The following PCBP3 variants were observed in gnomAD, a reference collection of about 807,000 sequenced individuals.
PCBP3 encodes poly(rC)-binding protein 3.
PCBP3 carries 25 observed loss-of-function variants against 52.7 expected under a neutral mutation model. The ratio of observed to expected loss-of-function variants is 0.47; its 90% CI spans 0.35 to 0.66. PCBP3 has a LOEUF of 0.66. PCBP3 is among the 30% of genes least tolerant of loss of function. PCBP3 has a pLI of 0.01. For missense variants in PCBP3, 391 were observed against 490.3 expected (o/e 0.80, Z 1.91); for synonymous variants, 162 against 183.0 (o/e 0.89, Z 0.93).
At chr21:45,665,306 G>T (rs868009468) in intron 1 of PCBP3, among the ~76,000 whole-genome samples, 6 of 152,176 alleles carry the variant, frequency 3.9e-5, no homozygotes, top group Non-Finnish European at 7.4e-5. Context: ...TCCTTGGGGG[G>T]CTGAGGTGGG....
chr21:45,765,236 G>T (rs1047690325), intron 4 of PCBP3, among the ~76,000 whole-genome samples: 2 of 152,180 alleles, frequency 1.3e-5, no homozygotes, highest in Non-Finnish European at 2.9e-5. Context: ...CCCTCCAGGG[G>T]TGCCAGGATA....
chr21:45,934,039 C>T (rs2076613335), intron 15 of PCBP3, among the ~76,000 whole-genome samples: 1 of 152,078 alleles, frequency 6.6e-6, no homozygotes, highest in Non-Finnish European at 1.5e-5. Flanking sequence ...TTTGGGGACC[C>T]CTCTGGTCTG....
At chr21:45,700,091 T>C (rs2083022107) in intron 2 of PCBP3, among the ~76,000 whole-genome samples, 1 of 152,210 alleles carries the variant, frequency 6.6e-6, no homozygotes. Context: ...ACAGGACCCA[T>C]GCATGCCAGT....
chr21:45,916,327 G>A (rs2073407819), intron 12 of PCBP3: 1 of 152,240 alleles, frequency 6.6e-6, no homozygotes, highest in African/African-American at 2.4e-5. Flanking sequence ...AACACTTGCA[G>A]GTGGCCCTCA....
intron 2 of PCBP3, among the ~76,000 whole-genome samples, chr21:45,733,542 C>T (rs1218860328): frequency 1.3e-5 from 2 of 152,092 alleles, no homozygotes; most frequent in East Asian, 1.9e-4. Context: ...CTGCCCGCCT[C>T]GGCCTCCCAA....
chr21:45,774,682 A>G (rs2090128962), intron 4 of PCBP3, among the ~76,000 whole-genome samples: 1 of 152,140 alleles, frequency 6.6e-6, no homozygotes, highest in Non-Finnish European at 1.5e-5. Context: ...ATTTTGAGGT[A>G]TGTTACCACT....
intron 3 of PCBP3, among the ~76,000 whole-genome samples, chr21:45,740,528 G>T (rs1377879118): frequency 6.6e-6 from 1 of 152,190 alleles, no homozygotes; most frequent in Non-Finnish European, 1.5e-5. Context: ...ACAGAACTTT[G>T]AAAGTTGGAA....
At chr21:45,810,351 C>T (rs1442577878) in intron 4 of PCBP3, among the ~76,000 whole-genome samples, 1 of 151,866 alleles carries the variant, frequency 6.6e-6, no homozygotes, top group Non-Finnish European at 1.5e-5. Context: ...GCAGTCTTCA[C>T]ACCCCAGCCT....
At position 45,869,950 on chromosome 21, in the gene PCBP3, T is replaced by A. The variant is rs116265077; in HGVS notation, c.10+19855T>A. Among the ~76,000 whole-genome samples the A allele has an allele frequency of 1.6e-3, 241 of 152,396 alleles. 1 individual carries two copies. Among genetic ancestry groups the A allele is most frequent in the African/African-American group, 5.6e-3 (232 of 41,596 alleles). ...ACTGACTCACACTGTGCTTAGCTTT[T>A]TAGTCGGATTTTTTTAGCTGTTAGT... On this transcript the variant is annotated intron_variant, in intron 5 of 17. Transcript: ENST00000681687.
intron 3 of PCBP3, among the ~76,000 whole-genome samples, chr21:45,745,535 C>G (rs1193443401): frequency 1.3e-5 from 2 of 152,184 alleles, no homozygotes; most frequent in Non-Finnish European, 2.9e-5. Context: ...TGTGTTCTAG[C>G]CTGTGGATGC....
intron 1 of PCBP3, among the ~76,000 whole-genome samples, chr21:45,661,240 G>A (rs2080368638): frequency 6.6e-6 from 1 of 152,034 alleles, no homozygotes; most frequent in Non-Finnish European, 1.5e-5. Context: ...TAGGCTTTTA[G>A]TATAAGCATC....
At chr21:45,920,083 C>T (rs918942314) in intron 13 of PCBP3, among the ~76,000 whole-genome samples, 1 of 152,090 alleles carries the variant, frequency 6.6e-6, no homozygotes, top group Non-Finnish European at 1.5e-5. Flanking sequence ...GCTCTGGAAC[C>T]CAAAGGAAAG....
At chr21:45,909,770 C>CA (rs2096298151) in intron 10 of PCBP3, among the ~76,000 whole-genome samples, 1 of 110,060 alleles carries the variant, frequency 9.1e-6, no homozygotes, top group Non-Finnish European at 1.9e-5. Flanking sequence ...GGACCCCCCC[C>CA]ACCCACTGCC....
chr21:45,899,705 G>C, intron 7 of PCBP3, 83 bp downstream of exon 7: 2 of 1,033,134 alleles, frequency 1.9e-6, no homozygotes, highest in Non-Finnish European at 3.0e-6. Flanking sequence ...GTACTAGGTG[G>C]CACCCAGTAG....
chr21:45,852,542 C>T lies in PCBP3; in HGVS notation c.10+2447C>T, dbSNP rs9978781. The stretch of plus-strand genomic sequence containing the variant: ...TTTGTTCAGAAGGAACACAGCCCTG[C>T]AGCCACCCTGACTTTTGTTCAGAAG... On this transcript the variant is annotated intron_variant, in intron 5 of 17. Transcript: ENST00000681687. 4.9e-3 allele frequency among the ~76,000 whole-genome samples: 489 copies of T among 99,772 alleles called. 5 individuals carry two copies. Among genetic ancestry groups the T allele is most frequent in the African/African-American group, 0.013 (220 of 17,444 alleles). 65.5% of individuals were successfully genotyped at this position (99,772 alleles called of 152,430 possible).
intron 4 of PCBP3, among the ~76,000 whole-genome samples, chr21:45,814,431 G>A (rs1402548475): frequency 6.7e-6 from 1 of 150,012 alleles, no homozygotes; most frequent in Non-Finnish European, 1.5e-5. Context: ...AGTGGTGACT[G>A]AGTGATGAGT....
chr21:45,914,126 C>T (rs374757096), intron 12 of PCBP3, 101 bp downstream of exon 12: 160 of 1,581,796 alleles, frequency 1.0e-4, no homozygotes, highest in Non-Finnish European at 1.3e-4. Context: ...CGCCTTCTCA[C>T]GTGCACGTCT....
In PCBP3 at chr21:45,829,860, G is replaced by A. The variant is rs1196704840; in HGVS notation, c.-125-20101G>A. On this transcript the variant is annotated intron_variant, in intron 4 of 17. Transcript: ENST00000681687. The surrounding 1 kb of genome is among the most constrained non-coding windows in gnomAD (Gnocchi z 5.2). ...TGCTGCCAGGAAGATGCAGCTCTAG[G>A]GCAGTGCAGGCATGTTCTTCAAGTG... 6.6e-6 allele frequency: 1 copy of A among 152,594 alleles called. No individual in the cohort carries two copies. Among genetic ancestry groups the A allele is most frequent in the African/African-American group, 2.4e-5 (1 of 41,458 alleles). The allele number at this position is 152,594 out of a possible 1,614,324, so 9.5% of individuals were successfully genotyped here. A position where few individuals can be genotyped will look rare whatever the true frequency, so the allele number is the denominator to read the frequency against.
intron 2 of PCBP3, among the ~76,000 whole-genome samples, chr21:45,723,054 G>A (rs974517351): frequency 3.9e-5 from 6 of 152,068 alleles, no homozygotes; most frequent in African/African-American, 1.4e-4. Context: ...TAATGAGAAA[G>A]TACTAGAAGA....
Sources: allele counts gnomAD v4.1 joint callset (sites outside exome capture counted in the v4.1 genomes callset), GRCh38; gene constraint gnomAD v4.1.1; non-coding constraint Gnocchi (gnomAD v3.1); transcripts MANE v1.5; gene names NCBI Gene and HGNC (gene_info 2026-07-23, HGNC 2026-07-21).